LILRB3: variants seen among roughly 807,000 people sequenced by gnomAD.
LILRB3 encodes the protein leukocyte immunoglobulin-like receptor subfamily B member 3.
Under a neutral mutation model 68.2 loss-of-function variants are expected in LILRB3, and 32 were observed. That is an observed-to-expected ratio of 0.47 (90% CI 0.35 to 0.63). The LOEUF is 0.63. Among genes scored for constraint, LILRB3 ranks in the 30% least tolerant of loss-of-function variants. The probability of loss-of-function intolerance (pLI) is 0.00; values close to 1 mark genes in which losing one functional copy is unlikely to be tolerated. For synonymous variants in LILRB3, 185 were observed against 323.1 expected, an observed-to-expected ratio of 0.57 and a Z score of 4.58; for missense variants, 502 against 791.3, an observed-to-expected ratio of 0.63 and a Z score of 4.39.
At chr19:54,217,026 C>A in exon 13 of LILRB3, 1 of 1,612,462 alleles carries the variant, frequency 6.2e-7, no homozygotes. Context: ...CCACTGGGGG[C>A]AGCTCCCGTG....
At position 54,219,560 on chromosome 19, in the gene LILRB3, G is replaced by C. The variant is rs934369089; in HGVS notation, c.1310-315C>G. 5 of 1,549,654 alleles carry C rather than the reference G, an allele frequency of 3.2e-6. No individual in the cohort carries two copies. In the African/African-American group the frequency reaches 4.1e-5, roughly 13 times the overall value. On this transcript the variant is annotated intron_variant, in intron 7 of 12. Transcript: ENST00000445347. Reference sequence around the variant, plus strand: ...AAAGAGCCTGACCGTCCTGAACCACGGCCCTGCTCCCCTCCCCTGCCCCAG... The same window carrying C: ...AAAGAGCCTGACCGTCCTGAACCACCGCCCTGCTCCCCTCCCCTGCCCCAG...
chr19:54,217,385 T>G (rs751101506), exon 12 of LILRB3: 5 of 1,593,556 alleles, frequency 3.1e-6, no homozygotes, highest in Admixed American at 1.7e-5. Context: ...CCCCAGACAG[T>G]GAGGAGGGAG....
exon 13 of LILRB3, chr19:54,216,596 C>A: frequency 2.0e-6 from 2 of 1,005,442 alleles, no homozygotes; most frequent in Non-Finnish European, 2.4e-6. Context: ...AGGCGTGAGC[C>A]ACCGCGCCCG....
Position 54,221,073 on chromosome 19 carries a change from G to T in LILRB3, c.955+10C>A. On this transcript the variant is annotated intron_variant, in intron 5 of 12. Coordinates refer to ENST00000445347, the Ensembl canonical transcript of LILRB3. ...CCTGGGTCCCTGACTGAACCCGCTG[G>T]GCTCCTCACCTGTGATCAGGATGTC... 1 of 1,372,406 alleles carries T rather than the reference G, an allele frequency of 7.3e-7. No homozygotes were observed. The highest frequency in any genetic ancestry group is 2.3e-5 in the Admixed American group (1 of 43,214). The allele number at this position is 1,372,406 out of a possible 1,614,324, so 85.0% of individuals were successfully genotyped here.
At chr19:54,218,434 G>T (rs201934288) in intron 10 of LILRB3, 21 bp from the exon 11 acceptor site, 4 of 1,613,888 alleles carry the variant, frequency 2.5e-6, no homozygotes, top group Admixed American at 3.3e-5. Flanking sequence ...AGAGCAAGGG[G>T]TTCGTCTCCT....
rs376962799 is a variant in LILRB3, at chr19:54,217,433, C to T, written c.1635G>A (p.Pro545=). The T allele has an allele frequency of 1.3e-4, 216 of 1,609,114 alleles. 1 individual carries two copies. The East Asian group carries it at 4.0e-3, about 30-fold the overall frequency. Residue 545 remains proline (P), a synonymous_variant, in exon 12 of 13, where the codon CCG becomes CCA. Coordinates refer to ENST00000445347, the Ensembl canonical transcript of LILRB3. ...CTCTCCTAGGACTGGAGTGTTTCACCGGGGCATACGTCACTGCCTGGGGGT... is the reference window on the plus strand; with the variant it reads ...CTCTCCTAGGACTGGAGTGTTTCACTGGGGCATACGTCACTGCCTGGGGGT...
At chr19:54,220,420 A>AAGCCTCCCTCAC (rs2078024851) in intron 6 of LILRB3, 108 bp downstream of exon 6, 1 of 1,167,590 alleles carries the variant, frequency 8.6e-7, no homozygotes, top group African/African-American at 1.7e-5. Flanking sequence ...CCCTCTGGCT[A>AAGCCTCCCTCAC]AGCCTCCCTC....
At chr19:54,219,585 G>C (rs1052873464) in intron 7 of LILRB3, 1 of 1,546,670 alleles carries the variant, frequency 6.5e-7, no homozygotes, top group East Asian at 2.4e-5. Context: ...CCCTGCCCCA[G>C]GTCACCGTCA....
chr19:54,218,197 C>G (rs985118802), intron 11 of LILRB3, among the ~76,000 whole-genome samples, 164 bp downstream of exon 11: 9 of 152,086 alleles, frequency 5.9e-5, no homozygotes, highest in African/African-American at 2.2e-4. Context: ...GGTCCCAGGA[C>G]AGCAGAAGAG....
At chr19:54,219,096 G>T (rs913658324) in intron 8 of LILRB3, 33 bp downstream of exon 8, 1 of 1,557,876 alleles carries the variant, frequency 6.4e-7, no homozygotes, top group Non-Finnish European at 8.7e-7. Context: ...CCCACCCTCG[G>T]TCGACCCATG....
At chr19:54,216,552 C>G in exon 13 of LILRB3, 6 of 836,636 alleles carry the variant, frequency 7.2e-6, no homozygotes, top group Non-Finnish European at 8.7e-6. Flanking sequence ...CCTCATGATC[C>G]GCCCGCATCA....
chr19:54,217,204 G>A (rs965758371), exon 13 of LILRB3: 13 of 1,611,778 alleles, frequency 8.1e-6, no homozygotes, highest in Middle Eastern at 1.7e-4. Context: ...GCAGCTGGGC[G>A]TAGGTCACAT....
chr19:54,217,757 T>C (rs1600825804), intron 11 of LILRB3: 1 of 615,242 alleles, frequency 1.6e-6, no homozygotes, highest in East Asian at 2.9e-5. Flanking sequence ...CTGCAGGGGC[T>C]CGTCCATCAG....
chr19:54,222,662 C>T, intron 2 of LILRB3, 85 bp downstream of exon 2: 1 of 1,612,348 alleles, frequency 6.2e-7, no homozygotes, highest in South Asian at 1.1e-5. Flanking sequence ...TCACCCAGAA[C>T]TACTGTCTCC....
chr19:54,216,428 G>C (rs1403540965), exon 13 of LILRB3: 1 of 160,128 alleles, frequency 6.2e-6, no homozygotes, highest in Non-Finnish European at 1.3e-5. Context: ...TCCTGCCTCA[G>C]CCTCCTGAGT....
At chr19:54,219,088 CACCCTCGGTCG>C in intron 8 of LILRB3, 30 bp downstream of exon 8, 1 of 1,552,418 alleles carries the variant, frequency 6.4e-7, no homozygotes, top group Non-Finnish European at 8.7e-7. Context: ...GCCCTGAGCC[CACCCTCGGTCG>C]ACCCATGGGT....
intron 7 of LILRB3, chr19:54,219,679 G>C: frequency 2.0e-6 from 2 of 985,160 alleles, no homozygotes; most frequent in South Asian, 9.4e-5. Context: ...GGAGGTCACA[G>C]CTGGGGGTCA....
chr19:54,219,480 A>C, intron 7 of LILRB3: 1 of 1,548,670 alleles, frequency 6.5e-7, no homozygotes, highest in Non-Finnish European at 8.7e-7. Context: ...GGAGCCCGGG[A>C]GTCTGACCTG....
In LILRB3 at chr19:54,218,786, G is replaced by C. The variant is rs373004602; in HGVS notation, c.1479C>G (p.Pro493=). The stretch of plus-strand genomic sequence containing the variant: ...ACCTCCTCAGCAGGCCCCTGTCCTT[G>C]GGCTCTGTCTCCGCAGCCCCTGCAG... The change falls in exon 9 of 13, where the codon CCC becomes CCG. Residue 493 remains proline, a synonymous_variant. Coordinates refer to ENST00000445347, the Ensembl canonical transcript of LILRB3. 1.9e-6 allele frequency: 3 copies of C among 1,613,948 alleles called. No individual in the cohort carries two copies. The African/African-American group carries it at 4.0e-5, about 22-fold the overall frequency.
Sources: gnomAD v4.1 joint callset for allele counts (sites outside exome capture counted in the v4.1 genomes callset) on GRCh38, gnomAD v4.1.1 for gene constraint, MANE v1.5 for transcripts, NCBI Gene and HGNC (gene_info 2026-07-23, HGNC 2026-07-21) for gene names.